Variants in RAD54L2 observed in about 807,000 individuals in gnomAD.
RAD54L2 encodes the protein RAD54 like 2.
RAD54L2 carries 27 observed loss-of-function variants against 138.4 expected under a neutral mutation model. That is an observed-to-expected ratio of 0.20 (90% CI 0.14 to 0.27). The LOEUF (loss-of-function observed/expected upper bound fraction) is 0.27, where lower values mean the gene tolerates loss of function less well. RAD54L2 is among the 10% of genes least tolerant of loss of function. The probability of loss-of-function intolerance (pLI) is 1.00; values close to 1 mark genes in which losing one functional copy is unlikely to be tolerated. For missense variants in RAD54L2, 1,396 were observed against 1,890.2 expected, an observed-to-expected ratio of 0.74 and a Z score of 4.85; for synonymous variants, 644 against 723.2, an observed-to-expected ratio of 0.89 and a Z score of 1.76.
At chr3:51,647,817 A>G (rs1701324198) in intron 19 of RAD54L2, among the ~76,000 whole-genome samples, 1 of 151,946 alleles carries the variant, frequency 6.6e-6, no homozygotes, top group Non-Finnish European at 1.5e-5. Context: ...CCAGCCTAAA[A>G]TTTTTTTCCT....
At chr3:51,548,821 C>CTTTTT (rs1168106948) in intron 2 of RAD54L2, among the ~76,000 whole-genome samples, 39 of 101,300 alleles carry the variant, frequency 3.8e-4, no homozygotes, top group East Asian at 1.3e-3. Context: ...AGTAACTCTG[C>CTTTTT]TTTTTTTTTT....
intron 3 of RAD54L2, among the ~76,000 whole-genome samples, chr3:51,621,292 AT>A (rs1441598459): frequency 6.6e-6 from 1 of 152,210 alleles, no homozygotes; most frequent in East Asian, 1.9e-4. Flanking sequence ...CTGAGGATTC[AT>A]TCAAAGAATG....
intron 9 of RAD54L2, among the ~76,000 whole-genome samples, chr3:51,635,206 G>A (rs1700956134): frequency 6.6e-6 from 1 of 152,182 alleles, no homozygotes; most frequent in African/African-American, 2.4e-5. Flanking sequence ...GTAAACTGCA[G>A]AATGTTGCCC....
chr3:51,576,332 G>A (rs1167764338), intron 2 of RAD54L2, among the ~76,000 whole-genome samples: 1 of 152,152 alleles, frequency 6.6e-6, no homozygotes, highest in Admixed American at 6.6e-5. Flanking sequence ...TCTTTGCCAG[G>A]CTTTGGTATC....
chr3:51,544,325 G>T (rs1553671855), intron 2 of RAD54L2, among the ~76,000 whole-genome samples: 1 of 152,076 alleles, frequency 6.6e-6, no homozygotes, highest in Non-Finnish European at 1.5e-5. Flanking sequence ...TGTTTTTCCA[G>T]GTTGCTAAAG....
rs565618708 is a variant in RAD54L2 at position 51,645,183 on chromosome 3, A to G, written c.2610A>G (p.Leu870=). 1.2e-6 allele frequency: 2 copies of G among 1,613,842 alleles called. No homozygotes were observed. Among genetic ancestry groups the G allele is most frequent in the Non-Finnish European group, 1.7e-6 (2 of 1,179,826 alleles). Reference sequence around the variant, plus strand: ...ATCGCCTTGTGGCTGATTACACTCTAGAAAAGAAGATCTATGACCGTCAGA... The same window carrying G: ...ATCGCCTTGTGGCTGATTACACTCTGGAAAAGAAGATCTATGACCGTCAGA... ...YIYRLVADYT[L]EKKIYDRQIS... Residue 870 remains leucine (L), a synonymous_variant, in exon 17 of 23, where the codon CTA becomes CTG. Transcript: ENST00000684192. This position sits in a 1 kb window ranked among gnomAD's most constrained non-coding sequence, Gnocchi z 6.1.
intron 2 of RAD54L2, among the ~76,000 whole-genome samples, chr3:51,549,607 A>G (rs1209261557): frequency 6.6e-6 from 1 of 151,828 alleles, no homozygotes; most frequent in East Asian, 1.9e-4. Context: ...GTGAAACCTC[A>G]TCTCTACTAA....
At chr3:51,602,124 A>G (rs1289257455) in intron 3 of RAD54L2, among the ~76,000 whole-genome samples, 1 of 152,022 alleles carries the variant, frequency 6.6e-6, no homozygotes, top group Non-Finnish European at 1.5e-5. Flanking sequence ...GAGCCACCAC[A>G]CCCAGCTTTG....
intron 2 of RAD54L2, among the ~76,000 whole-genome samples, chr3:51,543,334 C>A (rs1036646581): frequency 2.0e-5 from 3 of 152,078 alleles, no homozygotes; most frequent in Non-Finnish European, 4.4e-5. Context: ...AATGGCCAGG[C>A]GCGGTGGCTC....
At chr3:51,541,220 G>A (rs1698540189) in intron 1 of RAD54L2, 1 of 152,094 alleles carries the variant, frequency 6.6e-6, no homozygotes, top group South Asian at 2.1e-4. Flanking sequence ...GGTCTATGAA[G>A]AAAGAAGTGA....
At chr3:51,589,669 T>TAG (rs1484747142) in intron 2 of RAD54L2, among the ~76,000 whole-genome samples, 1 of 84,924 alleles carries the variant, frequency 1.2e-5, no homozygotes, top group African/African-American at 3.8e-5. Flanking sequence ...TCTATACATA[T>TAG]ATATATATAT....
At chr3:51,547,483 A>G (rs1244748799) in intron 2 of RAD54L2, among the ~76,000 whole-genome samples, 14 of 152,150 alleles carry the variant, frequency 9.2e-5, no homozygotes, top group Non-Finnish European at 1.3e-4. Context: ...ATGGTTTTAT[A>G]GTACCATCAA....
Position 51,645,322 on chromosome 3 carries a change from C to T in RAD54L2, c.2656+93C>T, listed in dbSNP as rs1248303663. The T allele has an allele frequency of 1.5e-6, 2 of 1,311,738 alleles. No homozygotes were observed. Among genetic ancestry groups the T allele is most frequent in the East Asian group, 2.5e-5 (1 of 39,796 alleles). The allele number at this position is 1,311,738 out of a possible 1,614,324, so 81.3% of individuals were successfully genotyped here. ...GGGAGAGGAGCAGGATATGGGAACACAGGCAGGCTTCGAGAAAGCCAGCAT... is the reference window on the plus strand; with the variant it reads ...GGGAGAGGAGCAGGATATGGGAACATAGGCAGGCTTCGAGAAAGCCAGCAT... On this transcript the variant is annotated intron_variant, in intron 17 of 22. Coordinates refer to ENST00000684192, the MANE Select transcript of RAD54L2 (RefSeq NM_015106.4). This position sits in a 1 kb window ranked among gnomAD's most constrained non-coding sequence, Gnocchi z 6.1.
intron 14 of RAD54L2, among the ~76,000 whole-genome samples, chr3:51,640,251 A>T (rs1251086384): frequency 6.6e-6 from 1 of 152,196 alleles, no homozygotes; most frequent in East Asian, 1.9e-4. Context: ...TTTGAGAGCT[A>T]AGGATAGTTT....
Position 51,666,261 on chromosome 3 carries a change from T to G in RAD54L2, c.*2841T>G, listed in dbSNP as rs1387037094. The G allele has an allele frequency of 1.3e-5, 2 of 149,342 alleles. No homozygotes were observed. Among genetic ancestry groups the G allele is most frequent in the Non-Finnish European group, 1.5e-5 (1 of 67,684 alleles). The allele number at this position is 149,342 out of a possible 1,614,324, so 9.3% of individuals were successfully genotyped here. On this transcript the variant is annotated 3_prime_UTR_variant, in exon 23 of 23. Transcript: ENST00000684192. Reference sequence around the variant, plus strand: ...GACTTTTCCACTGTCTCTTTATATGTGCTGATAGGCAAATGTGCATGCACA... The same window carrying G: ...GACTTTTCCACTGTCTCTTTATATGGGCTGATAGGCAAATGTGCATGCACA...
intron 2 of RAD54L2, among the ~76,000 whole-genome samples, chr3:51,587,831 G>A (rs1445899443): frequency 6.6e-6 from 1 of 152,060 alleles, no homozygotes. Flanking sequence ...CTAGAGACTT[G>A]TACTTCAGTT....
rs748385758 is a variant in RAD54L2, at chr3:51,629,487, A to G, written c.481+14A>G. The G allele has an allele frequency of 1.2e-6, 2 of 1,610,978 alleles. No homozygotes were observed. The highest frequency in any genetic ancestry group is 2.2e-5 in the East Asian group (1 of 44,788). On this transcript the variant is annotated intron_variant, in intron 5 of 22. Transcript: ENST00000684192. The stretch of plus-strand genomic sequence containing the variant: ...AGTTCCTCCCTGGTAAGCAGTGGAC[A>G]TGGCAGGGAAGGCCCTTTGCTTCAG...
At chr3:51,653,491 T>C (rs1320273854) in intron 19 of RAD54L2, among the ~76,000 whole-genome samples, 6 of 152,238 alleles carry the variant, frequency 3.9e-5, no homozygotes, top group Admixed American at 6.5e-5. Context: ...TGTATGTTTA[T>C]TGCGGCACTA....
chr3:51,605,220 G>A (rs916853044), intron 3 of RAD54L2, among the ~76,000 whole-genome samples: 3 of 151,496 alleles, frequency 2.0e-5, no homozygotes, highest in African/African-American at 7.3e-5. Context: ...CTCCCGAGTA[G>A]CTGAGATTAC....
Sources: gnomAD v4.1 joint callset for allele counts (sites outside exome capture counted in the v4.1 genomes callset) on GRCh38, gnomAD v4.1.1 for gene constraint, Gnocchi (gnomAD v3.1) non-coding constraint, MANE v1.5 for transcripts, NCBI Gene and HGNC (gene_info 2026-07-23, HGNC 2026-07-21) for gene names.